The following NEK9 variants were observed in gnomAD, a reference collection of about 807,000 sequenced individuals.
The protein encoded by NEK9 is serine/threonine-protein kinase Nek9.
In NEK9, 75 loss-of-function variants were observed where a neutral mutation model predicts 123.4. That is an observed-to-expected ratio of 0.61 (90% confidence interval 0.50 to 0.74). The LOEUF is 0.74. NEK9 is among the 30% of genes least tolerant of loss of function. The pLI, the probability that NEK9 is intolerant of heterozygous loss-of-function variation, is 0.00. For missense variants in NEK9, 952 were observed against 1,214.4 expected, an observed-to-expected ratio of 0.78 and a Z score of 3.21; for synonymous variants, 438 against 458.7, an observed-to-expected ratio of 0.95 and a Z score of 0.58.
chr14:75,093,987 T>A (rs936418701), intron 18 of NEK9, among the ~76,000 whole-genome samples: 3 of 152,220 alleles, frequency 2.0e-5, no homozygotes, highest in Non-Finnish European at 4.4e-5. Context: ...TTCCTCGAGT[T>A]TACATCTTCC....
chr14:75,084,343 A>G lies in NEK9; in HGVS notation c.*221T>C, dbSNP rs1893951552. 1.8e-6 allele frequency: 1 copy of G among 565,186 alleles called. No homozygotes were observed. Among genetic ancestry groups the G allele is most frequent in the Non-Finnish European group, 3.2e-6 (1 of 314,992 alleles). The allele number at this position is 565,186 out of a possible 1,614,324, so 35.0% of individuals were successfully genotyped here. Reference sequence around the variant, plus strand: ...AGTCACTGATGACAAAGCCAGGGCCATGGGGGCCCTTCCATTCTCCAAAAC... The same window carrying G: ...AGTCACTGATGACAAAGCCAGGGCCGTGGGGGCCCTTCCATTCTCCAAAAC... On this transcript the variant is annotated 3_prime_UTR_variant, in exon 22 of 22. Transcript: ENST00000238616.
At chr14:75,101,226 A>G (rs1430146674) in intron 15 of NEK9, 73 bp from the exon 16 acceptor site, 49 of 1,460,752 alleles carry the variant, frequency 3.4e-5, no homozygotes, top group Admixed American at 9.1e-5. Context: ...AGCCAAGCAG[A>G]CTTCATGGAT....
Position 75,109,881 on chromosome 14 carries a change from C to T in NEK9, c.990-4G>A, listed in dbSNP as rs1173808584. On this transcript the variant is annotated splice_polypyrimidine_tract_variant and splice_region_variant and intron_variant, in intron 9 of 21. Transcript: ENST00000238616. ...TGCTTCAGTCACAGTGCTTGACCTG[C>T]CAACAACCCCCAGAACAAAGGAACA... The T allele has an allele frequency of 1.3e-6, 2 of 1,598,090 alleles. No individual in the cohort carries two copies. Among genetic ancestry groups the T allele is most frequent in the African/African-American group, 2.7e-5 (2 of 73,794 alleles).
intron 21 of NEK9, 122 bp downstream of exon 21, chr14:75,086,896 C>T: frequency 2.9e-6 from 3 of 1,019,570 alleles, no homozygotes; most frequent in East Asian, 2.5e-5. Context: ...CAGAGCGAGA[C>T]TCCGTCTCAA....
chr14:75,106,052 T>C lies in NEK9; in HGVS notation c.1529-56A>G, dbSNP rs772501051. ...TAATGAGGGCTTCCTTCCCAGTGAA[T>C]AGGTTCTGTAAGATTCTCTTTTGCC... On this transcript the variant is annotated intron_variant, in intron 12 of 21. Transcript: ENST00000238616. 8 of 1,476,342 alleles carry C rather than the reference T, an allele frequency of 5.4e-6. No homozygotes were observed. In the East Asian group the frequency reaches 9.0e-5, roughly 17 times the overall value. The allele number at this position is 1,476,342 out of a possible 1,614,324, so 91.5% of individuals were successfully genotyped here. A position where few individuals can be genotyped will look rare whatever the true frequency, so the allele number is the denominator to read the frequency against.
At chr14:75,086,796 C>T (rs1439965467) in intron 21 of NEK9, 4 of 475,210 alleles carry the variant, frequency 8.4e-6, no homozygotes, top group African/African-American at 5.9e-5. Context: ...GTCCCAGCTA[C>T]TCGGGAGGCT....
chr14:75,107,756 C>A (rs968586993), intron 10 of NEK9, among the ~76,000 whole-genome samples: 1 of 151,828 alleles, frequency 6.6e-6, no homozygotes, highest in Non-Finnish European at 1.5e-5. Flanking sequence ...AAAAAAAGAG[C>A]TAGAAATTTA....
chr14:75,102,395 T>C (rs1003744228), intron 14 of NEK9, among the ~76,000 whole-genome samples: 2 of 152,192 alleles, frequency 1.3e-5, no homozygotes, highest in Non-Finnish European at 2.9e-5. Flanking sequence ...TCGCCCAGGC[T>C]GGAGTGCAGT....
chr14:75,122,738 T>C (rs1249076602), intron 2 of NEK9, among the ~76,000 whole-genome samples: 1 of 151,642 alleles, frequency 6.6e-6, no homozygotes, highest in Non-Finnish European at 1.5e-5. Context: ...TCTCCTGACC[T>C]TGTGATCCTC....
chr14:75,099,430 GA>G (rs1894488957), intron 16 of NEK9, among the ~76,000 whole-genome samples: 1 of 152,056 alleles, frequency 6.6e-6, no homozygotes, highest in Admixed American at 6.6e-5. Flanking sequence ...AAAGAAAAAA[GA>G]GGAAAAAAGC....
At chr14:75,088,820 G>C (rs965714343) in intron 19 of NEK9, among the ~76,000 whole-genome samples, 179 bp from the exon 20 acceptor site, 3 of 152,152 alleles carry the variant, frequency 2.0e-5, no homozygotes, top group African/African-American at 4.8e-5. Flanking sequence ...CCCTTCATCA[G>C]AGAAACAGTG....
intron 6 of NEK9, chr14:75,116,453 C>T: frequency 3.0e-6 from 1 of 330,468 alleles, no homozygotes; most frequent in Non-Finnish European, 6.3e-6. Flanking sequence ...TTATCTTTTG[C>T]TCCCTTCCAT....
chr14:75,119,940 C>T (rs987760128), intron 4 of NEK9, among the ~76,000 whole-genome samples: 3 of 152,100 alleles, frequency 2.0e-5, no homozygotes, highest in Non-Finnish European at 4.4e-5. Context: ...AATGAACAAA[C>T]CAATAAAAAA....
At chr14:75,116,446 T>G in intron 6 of NEK9, 1 of 316,500 alleles carries the variant, frequency 3.2e-6, no homozygotes. Context: ...AAAACAATTA[T>G]CTTTTGCTCC....
Position 75,103,935 on chromosome 14 carries a change from C to A in NEK9, c.1638G>T (p.Leu546=). 7 of 1,614,108 alleles carry A rather than the reference C, an allele frequency of 4.3e-6. No homozygotes were observed. The highest frequency in any genetic ancestry group is 5.9e-6 in the Non-Finnish European group (7 of 1,180,002). The change falls in exon 14 of 22, where the codon CTG becomes CTT. Residue 546 remains leucine, a synonymous_variant. Transcript: ENST00000238616. The stretch of plus-strand genomic sequence containing the variant: ...CCAGCACTTTGCCTGACTGGGTCAA[C>A]AGAAATGTCCCATCACAGCCACATT... The part of the protein sequence containing the change: ...AVQCGCDGTF[L]LTQSGKVLAC...
At chr14:75,124,497 A>G (rs2139814807) in intron 1 of NEK9, among the ~76,000 whole-genome samples, 1 of 152,286 alleles carries the variant, frequency 6.6e-6, no homozygotes, top group African/African-American at 2.4e-5. Context: ...ATAGATCTCA[A>G]AAAGATTCTA....
rs997033959 is a variant in NEK9 at position 75,103,194 on chromosome 14, A to T, written c.1731+648T>A. Among the ~76,000 whole-genome samples the T allele has an allele frequency of 4.3e-5, 6 of 138,860 alleles. 1 individual carries two copies. Among genetic ancestry groups the T allele is most frequent in the African/African-American group, 1.6e-4 (6 of 38,172 alleles). 91.1% of individuals were successfully genotyped at this position (138,860 alleles called of 152,430 possible). ...GTACCCTAGAACTTAAAAGTATAAT[A>T]AAAAAAAAAAAAAGGAAACTAAGAC... On this transcript the variant is annotated intron_variant, in intron 14 of 21. Transcript: ENST00000238616.
chr14:75,102,856 C>A (rs10162551), intron 14 of NEK9, among the ~76,000 whole-genome samples: 1 of 151,948 alleles, frequency 6.6e-6, no homozygotes, highest in Non-Finnish European at 1.5e-5. Context: ...GAAACTAAGA[C>A]GCAGCCATAA....
At chr14:75,125,617 CTT>C (rs1278076752) in intron 1 of NEK9, among the ~76,000 whole-genome samples, 1 of 152,210 alleles carries the variant, frequency 6.6e-6, no homozygotes, top group Non-Finnish European at 1.5e-5. Flanking sequence ...CTTATCTCCT[CTT>C]TCTCATTTTG....
Sources: allele counts gnomAD v4.1 joint callset (sites outside exome capture counted in the v4.1 genomes callset), GRCh38; gene constraint gnomAD v4.1.1; transcripts MANE v1.5; gene names NCBI Gene and HGNC (gene_info 2026-07-23, HGNC 2026-07-21).